Variants in ABCB4 observed in about 807,000 individuals in gnomAD.
The protein encoded by ABCB4 is ATP binding cassette subfamily B member 4, also known as phosphatidylcholine translocator ABCB4.
ABCB4 carries 76 observed loss-of-function variants against 145.7 expected under a neutral mutation model. The ratio of observed to expected loss-of-function variants is 0.52; its 90% confidence interval spans 0.43 to 0.63. ABCB4 has a LOEUF of 0.63. Ranked by LOEUF, ABCB4 falls within the 30% of genes least tolerant of loss-of-function variation. ABCB4 has a pLI of 0.00. For missense variants in ABCB4, 1,234 were observed against 1,553.1 expected (o/e 0.79, Z 3.45); for synonymous variants, 517 against 566.8 (o/e 0.91, Z 1.25).
At chr7:87,469,272 G>A (rs1813181951) in intron 3 of ABCB4, among the ~76,000 whole-genome samples, 1 of 152,168 alleles carries the variant, frequency 6.6e-6, no homozygotes, top group Admixed American at 6.5e-5. Flanking sequence ...ATATCATACT[G>A]AATGGGAAAA....
chr7:87,401,199 G>C (rs189410971), downstream of ABCB4, among the ~76,000 whole-genome samples: 3 of 152,322 alleles, frequency 2.0e-5, no homozygotes, highest in Non-Finnish European at 2.9e-5. Flanking sequence ...GCTTATTACA[G>C]TTAGAAGAAC....
At chr7:87,431,376 G>A (rs1280998649) in intron 15 of ABCB4, 28 bp downstream of exon 15, 1 of 1,613,744 alleles carries the variant, frequency 6.2e-7, no homozygotes, top group African/African-American at 1.3e-5. Context: ...GGAGCAAATA[G>A]CAGAAAAAAT....
Position 87,427,738 on chromosome 7 carries a change from T to C in ABCB4, c.1894-818A>G, listed in dbSNP as rs181445871. Among the ~76,000 whole-genome samples, 149 of 152,320 alleles carry C rather than the reference T, an allele frequency of 9.8e-4. 1 individual carries two copies. Among genetic ancestry groups the C allele is most frequent in the Middle Eastern group, 6.8e-3 (2 of 294 alleles). ...GGCTAGTGCCTTACTGTACATACAATAGCCAATCATGATCTCTTAGTTTTC... is the reference window on the plus strand; with the variant it reads ...GGCTAGTGCCTTACTGTACATACAACAGCCAATCATGATCTCTTAGTTTTC... On this transcript the variant is annotated intron_variant, in intron 15 of 27. Transcript: ENST00000649586.
At chr7:87,369,061 C>T in the ABCB4 span, among the ~76,000 whole-genome samples, 2 of 152,168 alleles carry the variant, frequency 1.3e-5, no homozygotes, top group African/African-American at 4.8e-5. Context: ...CCACTGGTCT[C>T]CTTCTCCCCT....
intron 21 of ABCB4, among the ~76,000 whole-genome samples, chr7:87,415,356 TG>T (rs1482442059): frequency 6.8e-6 from 1 of 147,764 alleles, no homozygotes; most frequent in Non-Finnish European, 1.5e-5. Context: ...AATAGTGATT[TG>T]GGGTTTTTCT....
At chr7:87,430,132 AC>A (rs1013254830) in intron 15 of ABCB4, among the ~76,000 whole-genome samples, 4 of 152,268 alleles carry the variant, frequency 2.6e-5, no homozygotes, top group South Asian at 4.1e-4. Context: ...AATTTTGACA[AC>A]CTTTTTTGAT....
At chr7:87,414,471 C>T (rs1808833869) in intron 21 of ABCB4, among the ~76,000 whole-genome samples, 1 of 152,208 alleles carries the variant, frequency 6.6e-6, no homozygotes, top group Admixed American at 6.5e-5. Flanking sequence ...ATTTCTTGCA[C>T]TTTGGAGTGT....
At chr7:87,467,155 ATC>A (rs1812965930) in intron 3 of ABCB4, among the ~76,000 whole-genome samples, 1 of 152,196 alleles carries the variant, frequency 6.6e-6, no homozygotes, top group Non-Finnish European at 1.5e-5. Context: ...CAGGAAACCC[ATC>A]TCACGTGCAG....
intron 3 of ABCB4, among the ~76,000 whole-genome samples, chr7:87,466,077 G>A (rs1177363273): frequency 6.6e-6 from 1 of 152,166 alleles, no homozygotes; most frequent in Non-Finnish European, 1.5e-5. Context: ...GAGAGAAGAA[G>A]GCTACAGATG....
At chr7:87,396,059 C>T in the ABCB4 span, among the ~76,000 whole-genome samples, 1 of 151,992 alleles carries the variant, frequency 6.6e-6, no homozygotes, top group Non-Finnish European at 1.5e-5. Flanking sequence ...ACAGGATTTA[C>T]GACAGAGCCA....
chr7:87,456,824 C>A (rs45546132), intron 4 of ABCB4, among the ~76,000 whole-genome samples: 5 of 151,568 alleles, frequency 3.3e-5, no homozygotes, highest in Admixed American at 1.3e-4. Flanking sequence ...GCTCCAGAGT[C>A]CCCGGGGAAA....
chr7:87,406,102 G>T (rs944481483), intron 26 of ABCB4, 186 bp downstream of exon 26: 3 of 645,586 alleles, frequency 4.6e-6, no homozygotes, highest in South Asian at 1.9e-5. Context: ...CACTACATTT[G>T]TATGAGGTAG....
chr7:87,449,635 A>T (rs1811574382), intron 8 of ABCB4, among the ~76,000 whole-genome samples: 1 of 151,778 alleles, frequency 6.6e-6, no homozygotes, highest in African/African-American at 2.4e-5. Context: ...CCAGGGTCTT[A>T]CTACATTGCC....
the ABCB4 span, among the ~76,000 whole-genome samples, chr7:87,379,466 G>T: frequency 6.6e-6 from 1 of 151,970 alleles, no homozygotes; most frequent in Admixed American, 6.6e-5. Context: ...CTTGCTTTCC[G>T]TCCCTCATCC....
At chr7:87,392,725 T>G in the ABCB4 span, 4 of 1,613,106 alleles carry the variant, frequency 2.5e-6, no homozygotes, top group South Asian at 4.4e-5. Flanking sequence ...GGGGTTTCAT[T>G]GCAGGATTTG....
At chr7:87,419,934 G>A (rs570421350) in intron 19 of ABCB4, 64 bp downstream of exon 19, 2 of 1,521,392 alleles carry the variant, frequency 1.3e-6, no homozygotes, top group South Asian at 1.1e-5. Flanking sequence ...AATAAGAACA[G>A]TAAGAAGCTT....
At chr7:87,380,332 C>A in the ABCB4 span, among the ~76,000 whole-genome samples, 4 of 152,220 alleles carry the variant, frequency 2.6e-5, no homozygotes, top group South Asian at 4.1e-4. Flanking sequence ...GCATAGGAAG[C>A]ATGTAAAAAC....
chr7:87,444,324 C>T (rs991931246), intron 10 of ABCB4, among the ~76,000 whole-genome samples: 2 of 152,194 alleles, frequency 1.3e-5, no homozygotes, highest in Non-Finnish European at 2.9e-5. Context: ...TCAAATTTCA[C>T]TTAGCTACCT....
chr7:87,433,302 A>C (rs1217374345), intron 14 of ABCB4, among the ~76,000 whole-genome samples: 3 of 152,338 alleles, frequency 2.0e-5, no homozygotes, highest in East Asian at 3.9e-4. Context: ...TCTCTTGGAC[A>C]ACATTTAAGA....
Sources: gnomAD v4.1 joint callset for allele counts (sites outside exome capture counted in the v4.1 genomes callset) on GRCh38, gnomAD v4.1.1 for gene constraint, MANE v1.5 for transcripts, NCBI Gene and HGNC (gene_info 2026-07-23, HGNC 2026-07-21) for gene names.